The following LRP1B variants were observed in gnomAD, a reference collection of about 807,000 sequenced individuals.
The protein encoded by LRP1B is low-density lipoprotein receptor-related protein 1B.
In LRP1B, 217 loss-of-function variants were observed where a neutral mutation model predicts 556.6. The ratio of observed to expected loss-of-function variants is 0.39; its 90% CI spans 0.35 to 0.44. The LOEUF is 0.44. Ranked by LOEUF, LRP1B falls within the 20% of genes least tolerant of loss-of-function variation. The pLI is 1.00. For synonymous variants in LRP1B, 2,047 were observed against 1,865.8 expected (o/e 1.10, Z -2.50); for missense variants, 5,053 against 5,620.8 (o/e 0.90, Z 3.23).
At chr2:140,556,667 G>T (rs146960054) in intron 43 of LRP1B, among the ~76,000 whole-genome samples, 1 of 151,738 alleles carries the variant, frequency 6.6e-6, no homozygotes, top group Non-Finnish European at 1.5e-5. Flanking sequence ...ACTTACCTTC[G>T]TCCCTACATC....
intron 2 of LRP1B, among the ~76,000 whole-genome samples, chr2:141,615,745 A>T (rs1205762542): frequency 6.6e-6 from 1 of 152,204 alleles, no homozygotes. Context: ...AAAGTTTCAG[A>T]AAAAGAAAGA....
At chr2:141,573,268 T>A (rs1686601383) in intron 2 of LRP1B, among the ~76,000 whole-genome samples, 3 of 152,134 alleles carry the variant, frequency 2.0e-5, no homozygotes, top group Admixed American at 2.0e-4. Flanking sequence ...TGCAATCTAA[T>A]TCAAATTCAG....
chr2:141,170,159 T>G (rs1247258768), intron 7 of LRP1B, among the ~76,000 whole-genome samples: 1 of 152,116 alleles, frequency 6.6e-6, no homozygotes, highest in Non-Finnish European at 1.5e-5. Flanking sequence ...CTGTCCTTTT[T>G]GGGGCAACCA....
intron 3 of LRP1B, among the ~76,000 whole-genome samples, chr2:141,334,216 G>GA (rs1687763755): frequency 6.6e-6 from 1 of 152,146 alleles, no homozygotes; most frequent in South Asian, 2.1e-4. Context: ...CTCAGTGTTG[G>GA]ACGTGGGGCC....
chr2:141,069,820 T>C (rs1699585374), intron 7 of LRP1B, among the ~76,000 whole-genome samples: 1 of 152,076 alleles, frequency 6.6e-6, no homozygotes, highest in Admixed American at 6.6e-5. Flanking sequence ...ATTATTATTA[T>C]ACTTTAAGTT....
At chr2:140,322,205 A>C in intron 81 of LRP1B, 117 bp from the exon 82 acceptor site, 1 of 984,130 alleles carries the variant, frequency 1.0e-6, no homozygotes. Flanking sequence ...AATCACATTA[A>C]ATTTCCACTG....
intron 1 of LRP1B, among the ~76,000 whole-genome samples, chr2:141,986,416 G>A (rs1167802658): frequency 6.6e-6 from 1 of 151,846 alleles, no homozygotes; most frequent in African/African-American, 2.4e-5. Flanking sequence ...GTATTCTAAG[G>A]TATGGGTTTC....
chr2:140,749,435 T>C (rs771676703), intron 35 of LRP1B, among the ~76,000 whole-genome samples: 29 of 152,338 alleles, frequency 1.9e-4, no homozygotes, highest in Middle Eastern at 3.4e-3. Context: ...TGTACAGCTG[T>C]AAAAAATTTT....
At chr2:140,363,848 T>C (rs148146709) in intron 72 of LRP1B, among the ~76,000 whole-genome samples, 137 of 151,766 alleles carry the variant, frequency 9.0e-4, no homozygotes, top group African/African-American at 2.9e-3. Flanking sequence ...CGTACACTCA[T>C]GCTGTATTTT....
intron 43 of LRP1B, among the ~76,000 whole-genome samples, chr2:140,551,611 C>T (rs979246532): frequency 6.6e-6 from 1 of 152,120 alleles, no homozygotes; most frequent in Non-Finnish European, 1.5e-5. Flanking sequence ...AGGTTAATGT[C>T]ATTATTGGTT....
chr2:141,411,495 T>C (rs774585351), intron 3 of LRP1B, among the ~76,000 whole-genome samples: 8 of 152,148 alleles, frequency 5.3e-5, no homozygotes, highest in Non-Finnish European at 7.4e-5. Flanking sequence ...TGCATCATAA[T>C]ATATGAGAAT....
At chr2:141,234,514 C>T (rs901420808) in intron 5 of LRP1B, among the ~76,000 whole-genome samples, 1 of 151,954 alleles carries the variant, frequency 6.6e-6, no homozygotes, top group Non-Finnish European at 1.5e-5. Context: ...GTAGCTGGGA[C>T]TACACACTTG....
At chr2:140,356,030 T>C (rs1434567635) in intron 75 of LRP1B, among the ~76,000 whole-genome samples, 1 of 151,956 alleles carries the variant, frequency 6.6e-6, no homozygotes, top group Non-Finnish European at 1.5e-5. Context: ...GAAGCAAGAC[T>C]AATTCTCCAA....
At chr2:140,833,422 A>G (rs779100003) in intron 31 of LRP1B, among the ~76,000 whole-genome samples, 4 of 152,210 alleles carry the variant, frequency 2.6e-5, no homozygotes, top group Non-Finnish European at 5.9e-5. Flanking sequence ...TCACTCACTG[A>G]TTCACCAAAA....
chr2:141,987,561 TTTC>T (rs1228722181), intron 1 of LRP1B, among the ~76,000 whole-genome samples: 7 of 148,754 alleles, frequency 4.7e-5, no homozygotes, highest in African/African-American at 1.5e-4. Context: ...TTTTTTTTTT[TTTC>T]TTTCTTTTTT....
chr2:141,820,708 G>A (rs1696722913), intron 1 of LRP1B, among the ~76,000 whole-genome samples: 1 of 152,216 alleles, frequency 6.6e-6, no homozygotes, highest in Admixed American at 6.5e-5. Context: ...ACACAAGTTT[G>A]CATGTTTTAA....
intron 7 of LRP1B, among the ~76,000 whole-genome samples, chr2:141,183,885 T>G (rs1432405613): frequency 6.6e-6 from 1 of 152,048 alleles, no homozygotes; most frequent in Non-Finnish European, 1.5e-5. Context: ...ACTTTTACTC[T>G]AATATTCTAA....
At chr2:141,501,472 C>G (rs1444198925) in intron 2 of LRP1B, among the ~76,000 whole-genome samples, 1 of 152,092 alleles carries the variant, frequency 6.6e-6, no homozygotes, top group Non-Finnish European at 1.5e-5. Flanking sequence ...AGTGTCCAAT[C>G]AAGAAGTTGT....
chr2:141,716,307 C>T (rs1470302060), intron 2 of LRP1B, among the ~76,000 whole-genome samples: 1 of 152,160 alleles, frequency 6.6e-6, no homozygotes, highest in Admixed American at 6.5e-5. Flanking sequence ...GTGCTCAAGT[C>T]CTGTAATTTG....
Sources: allele counts gnomAD v4.1 joint callset (sites outside exome capture counted in the v4.1 genomes callset), GRCh38; gene constraint gnomAD v4.1.1; transcripts MANE v1.5; gene names NCBI Gene and HGNC (gene_info 2026-07-23, HGNC 2026-07-21).